The following PCDHGB3 variants were observed in gnomAD, a reference collection of about 807,000 sequenced individuals.
PCDHGB3 encodes the protein protocadherin gamma-B3.
Under a neutral mutation model 59.2 loss-of-function variants are expected in PCDHGB3, and 40 were observed. The ratio of observed to expected loss-of-function variants is 0.68; its 90% CI spans 0.52 to 0.88. The LOEUF (loss-of-function observed/expected upper bound fraction) is 0.88, where lower values mean the gene tolerates loss of function less well. PCDHGB3 is among the 40% of genes least tolerant of loss of function. The pLI is 0.00. For missense variants in PCDHGB3, 1,309 were observed against 1,187.9 expected, an observed-to-expected ratio of 1.10 and a Z score of -1.50; for synonymous variants, 581 against 503.6, an observed-to-expected ratio of 1.15 and a Z score of -2.06.
chr5:141,504,224 C>T (rs2099836716), intron 2 of PCDHGB3, among the ~76,000 whole-genome samples: 2 of 152,160 alleles, frequency 1.3e-5, no homozygotes, highest in African/African-American at 4.8e-5. Flanking sequence ...TAGAGCTGAA[C>T]CTTCTAAGAA....
intron 1 of PCDHGB3, chr5:141,403,018 G>A (rs752656852): frequency 9.3e-6 from 15 of 1,613,966 alleles, no homozygotes; most frequent in South Asian, 1.1e-5. Context: ...TCCTGGGGAT[G>A]CTATGGGAGG....
intron 1 of PCDHGB3, among the ~76,000 whole-genome samples, chr5:141,436,010 A>G (rs1188507054): frequency 6.6e-6 from 1 of 152,168 alleles, no homozygotes; most frequent in Non-Finnish European, 1.5e-5. Context: ...AAGTATTTGA[A>G]TTTATCTAAA....
rs368564960 is a variant in PCDHGB3 at position 141,408,437 on chromosome 5, G to T, written c.2415+35628G>T. Reference sequence around the variant, plus strand: ...GGAGAAGCTGCACTTCAGCGTAGACGCGGAGAGCGGGGACTTACTTGTGAA... The same window carrying T: ...GGAGAAGCTGCACTTCAGCGTAGACTCGGAGAGCGGGGACTTACTTGTGAA... On this transcript the variant is annotated intron_variant, in intron 1 of 3. Transcript: ENST00000576222. The T allele has an allele frequency of 1.3e-5, 21 of 1,613,950 alleles. No homozygotes were observed. Among genetic ancestry groups the T allele is most frequent in the Non-Finnish European group, 1.6e-5 (19 of 1,179,918 alleles).
chr5:141,488,837 C>A (rs550655328), intron 1 of PCDHGB3, among the ~76,000 whole-genome samples: 1 of 152,280 alleles, frequency 6.6e-6, no homozygotes, highest in African/African-American at 2.4e-5. Context: ...GCCAAGGGGG[C>A]TGAATCAACC....
At chr5:141,409,054 T>C (rs1314214077) in intron 1 of PCDHGB3, 2 of 1,613,910 alleles carry the variant, frequency 1.2e-6, no homozygotes, top group Non-Finnish European at 1.7e-6. Flanking sequence ...TCCGAAGCAC[T>C]GCCCAGAGCA....
At position 141,371,758 on chromosome 5, in the gene PCDHGB3, C is replaced by T. The variant is rs2149991096; in HGVS notation, c.1364C>T (p.Ala455Val). Residue 455 changes from alanine (A) to valine (V), a missense_variant, in exon 1 of 4, where the codon GCC (alanine) becomes GTC (valine). Transcript: ENST00000576222. Reference sequence around the variant, plus strand: ...GACAACGTTCCCGTTTTCCACCAGGCCTCCTACACCGTGCATGTAGCTGAG... The same window carrying T: ...GACAACGTTCCCGTTTTCCACCAGGTCTCCTACACCGTGCATGTAGCTGAG... ...VNDNVPVFHQASYTVHVAENN... is the reference protein window; with the variant it reads ...VNDNVPVFHQVSYTVHVAENN... The T allele has an allele frequency of 1.2e-6, 2 of 1,614,030 alleles. No individual in the cohort carries two copies. The highest frequency in any genetic ancestry group is 8.5e-7 in the Non-Finnish European group (1 of 1,179,906).
chr5:141,457,441 G>A (rs941085406), intron 1 of PCDHGB3, among the ~76,000 whole-genome samples: 1 of 152,134 alleles, frequency 6.6e-6, no homozygotes, highest in African/African-American at 2.4e-5. Flanking sequence ...CCAAGCTGCA[G>A]AAGATCACCA....
chr5:141,383,502 C>A (rs1779190099), intron 1 of PCDHGB3: 1 of 1,613,004 alleles, frequency 6.2e-7, no homozygotes, highest in Admixed American at 1.7e-5. Context: ...GGGTGCTGGA[C>A]CGGGAGGAAG....
chr5:141,437,978 C>T (rs1014157103), intron 1 of PCDHGB3, among the ~76,000 whole-genome samples: 2 of 152,212 alleles, frequency 1.3e-5, no homozygotes, highest in East Asian at 1.9e-4. Context: ...TCTTGGGATG[C>T]ACCCACCCCA....
chr5:141,404,407 T>C, intron 1 of PCDHGB3: 1 of 1,613,944 alleles, frequency 6.2e-7, no homozygotes, highest in East Asian at 2.2e-5. Flanking sequence ...ATGAGAATTC[T>C]AGAGTTATTT....
chr5:141,413,218 A>C, intron 1 of PCDHGB3: 1 of 1,613,610 alleles, frequency 6.2e-7, no homozygotes, highest in Non-Finnish European at 8.5e-7. Context: ...AAAGGATTGC[A>C]GCGGGCTGGT....
In PCDHGB3 at chr5:141,485,222, C is replaced by A; in HGVS notation, c.2416-9585C>A. The A allele has an allele frequency of 6.2e-7, 1 of 1,614,196 alleles. No homozygotes were observed. The highest frequency in any genetic ancestry group is 8.5e-7 in the Non-Finnish European group (1 of 1,180,020). On this transcript the variant is annotated intron_variant, in intron 1 of 3. Transcript: ENST00000576222. This position sits in a 1 kb window ranked among gnomAD's most constrained non-coding sequence, Gnocchi z 5.7. ...GACAGAAATCTGGCGGTGGGCTACC[C>A]TTTTGTTCCTCTTTTACCACCTGGG...
Position 141,414,697 on chromosome 5 carries a change from T to A in PCDHGB3, c.2415+41888T>A, listed in dbSNP as rs748722995. The A allele has an allele frequency of 9.3e-6, 15 of 1,614,036 alleles. No homozygotes were observed. Among genetic ancestry groups the A allele is most frequent in the Non-Finnish European group, 1.3e-5 (15 of 1,179,930 alleles). ...CATCCAGGGGGTACCTCTGTCCTCA[T>A]ACATATCCATCAACTCAGACACTGG... is the stretch of plus-strand genomic sequence containing the variant. On this transcript the variant is annotated intron_variant, in intron 1 of 3. Transcript: ENST00000576222.
chr5:141,426,753 A>G (rs1360041118), intron 1 of PCDHGB3: 3 of 456,298 alleles, frequency 6.6e-6, no homozygotes, highest in East Asian at 7.0e-5. Flanking sequence ...GGAATCTGCT[A>G]TAGATGCAGA....
rs936750924 is a variant in PCDHGB3, at chr5:141,418,950, T to A, written c.2415+46141T>A. On this transcript the variant is annotated intron_variant, in intron 1 of 3. Transcript: ENST00000576222. ...ATTATGGAGGATTCCCCTCCAGGAG[T>A]GGTTGTTGCCCTCTTCAAAACACGG... 23 of 1,613,742 alleles carry A rather than the reference T, an allele frequency of 1.4e-5. No individual in the cohort carries two copies. Among genetic ancestry groups the A allele is most frequent in the Non-Finnish European group, 1.9e-5 (23 of 1,179,860 alleles).
At chr5:141,394,513 T>C in intron 1 of PCDHGB3, 1 of 1,614,112 alleles carries the variant, frequency 6.2e-7, no homozygotes, top group Non-Finnish European at 8.5e-7. Flanking sequence ...TACCCCGCCC[T>C]CCCCACAGAC....
chr5:141,439,889 C>T (rs997306014), intron 1 of PCDHGB3: 1 of 152,348 alleles, frequency 6.6e-6, no homozygotes, highest in Admixed American at 6.5e-5. Context: ...CTGGGTAGAA[C>T]CAAGGCGACT....
intron 1 of PCDHGB3, chr5:141,375,358 G>T: frequency 6.2e-7 from 1 of 1,613,810 alleles, no homozygotes; most frequent in Non-Finnish European, 8.5e-7. Flanking sequence ...TGACAGCCAC[G>T]GACAAAGGAA....
chr5:141,442,052 G>T (rs2098295034), intron 1 of PCDHGB3: 1 of 197,576 alleles, frequency 5.1e-6, no homozygotes, highest in South Asian at 6.6e-5. Flanking sequence ...TACTGGTCGC[G>T]GTGCACTGCG....
Sources: allele counts gnomAD v4.1 joint callset (sites outside exome capture counted in the v4.1 genomes callset), GRCh38; gene constraint gnomAD v4.1.1; non-coding constraint Gnocchi (gnomAD v3.1); transcripts MANE v1.5; gene names NCBI Gene and HGNC (gene_info 2026-07-23, HGNC 2026-07-21).